Variants in ULK4 observed in about 807,000 individuals in gnomAD.
ULK4 encodes inactive serine/threonine-protein kinase ULK4.
In ULK4, 133 loss-of-function variants were observed where a neutral mutation model predicts 160.6. The ratio of observed to expected loss-of-function variants is 0.83; its 90% confidence interval spans 0.72 to 0.96. The LOEUF is 0.96. ULK4 is among the 40% of genes least tolerant of loss of function. ULK4 has a pLI of 0.00. For synonymous variants in ULK4, 534 were observed against 539.8 expected, an observed-to-expected ratio of 0.99 and a Z score of 0.15; for missense variants, 1,580 against 1,499.5, an observed-to-expected ratio of 1.05 and a Z score of -0.89.
intron 22 of ULK4, among the ~76,000 whole-genome samples, chr3:41,744,787 C>T (rs2038361473): frequency 6.6e-6 from 1 of 151,806 alleles, no homozygotes; most frequent in East Asian, 1.9e-4. Flanking sequence ...CTGTACCATT[C>T]ACCAAAATAG....
chr3:41,376,819 A>G (rs1056377918), intron 35 of ULK4, among the ~76,000 whole-genome samples: 2 of 150,070 alleles, frequency 1.3e-5, no homozygotes, highest in Non-Finnish European at 2.9e-5. Flanking sequence ...TTACAGATTC[A>G]ATGCCATCCC....
At chr3:41,428,165 C>T (rs548495719) in intron 34 of ULK4, among the ~76,000 whole-genome samples, 1 of 152,070 alleles carries the variant, frequency 6.6e-6, no homozygotes, top group Non-Finnish European at 1.5e-5. Context: ...CTCTCATTCA[C>T]AATTGTTACA....
intron 22 of ULK4, among the ~76,000 whole-genome samples, chr3:41,734,032 C>G (rs926495037): frequency 6.6e-6 from 1 of 152,048 alleles, no homozygotes; most frequent in Non-Finnish European, 1.5e-5. Context: ...GCCACTGCGC[C>G]CAGCTAGATG....
At chr3:41,948,237 G>A (rs1389381445) in intron 2 of ULK4, among the ~76,000 whole-genome samples, 1 of 152,090 alleles carries the variant, frequency 6.6e-6, no homozygotes, top group African/African-American at 2.4e-5. Context: ...GATCACTTGA[G>A]GTCAGGAGTT....
intron 1 of ULK4, among the ~76,000 whole-genome samples, chr3:41,959,707 G>A (rs1700607287): frequency 1.3e-5 from 2 of 151,848 alleles, no homozygotes; most frequent in Non-Finnish European, 2.9e-5. Context: ...CGGAGGTGGA[G>A]GCAGGATTGT....
At chr3:41,322,388 C>T (rs2080263138) in intron 35 of ULK4, among the ~76,000 whole-genome samples, 1 of 152,162 alleles carries the variant, frequency 6.6e-6, no homozygotes, top group South Asian at 2.1e-4. Flanking sequence ...TCCGTCTCTC[C>T]CTCTGCCTTA....
chr3:41,606,750 T>C (rs989528803), intron 31 of ULK4, among the ~76,000 whole-genome samples: 4 of 152,060 alleles, frequency 2.6e-5, no homozygotes, highest in Non-Finnish European at 4.4e-5. Context: ...AACTTGGCCA[T>C]CTGTATATCT....
At chr3:41,795,300 G>A (rs551724842) in intron 20 of ULK4, among the ~76,000 whole-genome samples, 3 of 152,286 alleles carry the variant, frequency 2.0e-5, no homozygotes, top group Admixed American at 6.5e-5. Context: ...TAGAGTAACT[G>A]TATAATGATC....
chr3:41,688,199 C>T (rs977573510), intron 27 of ULK4, among the ~76,000 whole-genome samples: 1 of 152,214 alleles, frequency 6.6e-6, no homozygotes, highest in South Asian at 2.1e-4. Context: ...ATCCCACCCC[C>T]TCCCCTGACA....
At chr3:41,500,061 T>C (rs1575316987) in intron 32 of ULK4, among the ~76,000 whole-genome samples, 1 of 152,086 alleles carries the variant, frequency 6.6e-6, no homozygotes, top group African/African-American at 2.4e-5. Flanking sequence ...TATTTGTACC[T>C]TCTCTCATTT....
intron 21 of ULK4, among the ~76,000 whole-genome samples, chr3:41,774,451 A>T (rs2039525831): frequency 6.6e-6 from 1 of 150,656 alleles, no homozygotes; most frequent in South Asian, 2.1e-4. Context: ...ACATTTATGC[A>T]GCCAAAAAAC....
chr3:41,866,163 G>A (rs1482034663), intron 17 of ULK4, among the ~76,000 whole-genome samples: 2 of 152,166 alleles, frequency 1.3e-5, no homozygotes, highest in African/African-American at 4.8e-5. Flanking sequence ...CAATTGAGTT[G>A]GTCCACACCC....
chr3:41,378,997 C>G (rs1010584687), intron 35 of ULK4, among the ~76,000 whole-genome samples: 1 of 151,694 alleles, frequency 6.6e-6, no homozygotes, highest in Non-Finnish European at 1.5e-5. Flanking sequence ...TTAGTGGGAG[C>G]TGAACAATGA....
chr3:41,789,825 G>A lies in ULK4; in HGVS notation c.2029C>T (p.Arg677Cys), dbSNP rs1006242262. Residue 677 changes from arginine to cysteine, a missense_variant, in exon 21 of 37, where the codon CGC becomes TGC. Physicochemically the swap from Arg to Cys is radical, Grantham distance 180. Transcript: ENST00000301831. ...TTCTGGAAGGCAGTAGGAGAATGGC[G>A]AGTGATTCTACACAAGGCCTACAAA... is the stretch of plus-strand genomic sequence containing the variant. Reference protein sequence around the residue: ...TAVSALCRITRHSPTAFQNVI... With the variant: ...TAVSALCRITCHSPTAFQNVI... The A allele has an allele frequency of 1.5e-5, 24 of 1,610,662 alleles. No homozygotes were observed. The highest frequency in any genetic ancestry group is 2.2e-5 in the East Asian group (1 of 44,720).
At chr3:41,447,877 T>C (rs1276087138) in intron 34 of ULK4, among the ~76,000 whole-genome samples, 9 of 152,102 alleles carry the variant, frequency 5.9e-5, no homozygotes, top group Non-Finnish European at 7.4e-5. Context: ...GGGCAACTTC[T>C]AGAGAGAAGT....
rs115593889 is a variant in ULK4, at chr3:41,452,910, C to T, written c.3492+2587G>A. Reference sequence around the variant, plus strand: ...GTATTTCAGTGAGACTATTCCCAAACATGGAATAAAGTTAAGAGTTTAACG... The same window carrying T: ...GTATTTCAGTGAGACTATTCCCAAATATGGAATAAAGTTAAGAGTTTAACG... On this transcript the variant is annotated intron_variant, in intron 34 of 36. Coordinates refer to ENST00000301831, the MANE Select transcript of ULK4 (RefSeq NM_017886.4). 4.6e-3 allele frequency among the ~76,000 whole-genome samples: 697 copies of T among 152,238 alleles called. 4 individuals are homozygous for T. The highest frequency in any genetic ancestry group is 0.016 in the African/African-American group (669 of 41,550).
rs1237167816 is a variant in ULK4, at chr3:41,954,704, T to C, written c.56A>G (p.Tyr19Cys). 2.5e-6 allele frequency: 4 copies of C among 1,613,938 alleles called. No individual in the cohort carries two copies. The highest frequency in any genetic ancestry group is 2.7e-5 in the African/African-American group (2 of 74,928). Residue 19 changes from tyrosine to cysteine, a missense_variant, in exon 2 of 37, where the codon TAT becomes TGT. Transcript: ENST00000301831. ...EIGRGSKTVV[Y>C]KGRRKGTINF... Reference sequence around the variant, plus strand: ...GATTGTTCCCTTCCGTCGCCCTTTATAGACAACAGTCTTGCTTCCTCTTCC... The same window carrying C: ...GATTGTTCCCTTCCGTCGCCCTTTACAGACAACAGTCTTGCTTCCTCTTCC...
intron 25 of ULK4, among the ~76,000 whole-genome samples, chr3:41,707,240 A>T (rs1361702985): frequency 6.6e-6 from 1 of 152,230 alleles, no homozygotes; most frequent in African/African-American, 2.4e-5. Flanking sequence ...GCTAGAAAAC[A>T]TAAGACCTGA....
At chr3:41,336,012 AG>A (rs1235900267) in intron 35 of ULK4, among the ~76,000 whole-genome samples, 2 of 152,242 alleles carry the variant, frequency 1.3e-5, no homozygotes, top group African/African-American at 4.8e-5. Context: ...GGATATTCAG[AG>A]GAAGGGAGGA....
Sources: gnomAD v4.1 joint callset for allele counts (sites outside exome capture counted in the v4.1 genomes callset) on GRCh38, gnomAD v4.1.1 for gene constraint, MANE v1.5 for transcripts, NCBI Gene and HGNC (gene_info 2026-07-23, HGNC 2026-07-21) for gene names.